Variants in MME observed in about 807,000 individuals in gnomAD.
MME encodes the protein neprilysin.
A neutral mutation model predicts 113.2 loss-of-function variants in MME; 98 were observed. That is an observed-to-expected ratio of 0.87 (90% CI 0.74 to 1.02). MME has a LOEUF of 1.02. MME is among the 50% of genes least tolerant of loss of function. The pLI is 0.00. For synonymous variants in MME, 292 were observed against 300.6 expected, an observed-to-expected ratio of 0.97 and a Z score of 0.30; for missense variants, 836 against 896.0, an observed-to-expected ratio of 0.93 and a Z score of 0.86.
In MME at chr3:155,181,112, T is replaced by C. The variant is rs1377954901; in HGVS notation, c.*653T>C. 6.6e-6 allele frequency: 1 copy of C among 152,420 alleles called. No individual in the cohort carries two copies. Among genetic ancestry groups the C allele is most frequent in the African/African-American group, 2.4e-5 (1 of 41,462 alleles). The allele number at this position is 152,420 out of a possible 1,614,324, so 9.4% of individuals were successfully genotyped here. On this transcript the variant is annotated 3_prime_UTR_variant, in exon 23 of 23. Coordinates refer to ENST00000360490, the MANE Select transcript of MME (RefSeq NM_007289.4). ...CCTGCTTTGACTGATGCTGAGATTC[T>C]TCAGGCTTCCTGCAATTTTCTAAGC...
intron 1 of MME, among the ~76,000 whole-genome samples, chr3:155,066,955 C>A (rs999454869): frequency 6.6e-6 from 1 of 152,068 alleles, no homozygotes; most frequent in Non-Finnish European, 1.5e-5. Flanking sequence ...ACTCTGTATA[C>A]CCCTACAACC....
chr3:155,138,304 C>T, intron 9 of MME, 68 bp downstream of exon 9: 1 of 1,512,002 alleles, frequency 6.6e-7, no homozygotes, highest in African/African-American at 1.4e-5. Context: ...CCCTCTCTAT[C>T]ATACTTTAAG....
rs201944754 is a variant in MME at position 155,084,269 on chromosome 3, T to C, written c.102T>C (p.Leu34=). ...CACTGGAGATCAGCCTCTCGGTCCTTGTCCTGCTCCTCACCATCATAGCTG... is the reference window on the plus strand; with the variant it reads ...CACTGGAGATCAGCCTCTCGGTCCTCGTCCTGCTCCTCACCATCATAGCTG... ...WTPLEISLSV[L]VLLLTIIAVT... is the part of the protein sequence containing the mutation. Residue 34 remains leucine, a synonymous_variant, in exon 2 of 23, where the codon CTT becomes CTC. Coordinates refer to ENST00000360490, the MANE Select transcript of MME (RefSeq NM_007289.4). 7 of 1,614,092 alleles carry C rather than the reference T, an allele frequency of 4.3e-6. No homozygotes were observed. The highest frequency in any genetic ancestry group is 5.1e-6 in the Non-Finnish European group (6 of 1,180,044).
At chr3:155,064,150 C>T (rs1293878400) in intron 1 of MME, among the ~76,000 whole-genome samples, 1 of 151,926 alleles carries the variant, frequency 6.6e-6, no homozygotes, top group Non-Finnish European at 1.5e-5. Flanking sequence ...ATTAGCCGGG[C>T]ATGGGGCAGG....
chr3:155,085,215 C>A, intron 3 of MME, 121 bp downstream of exon 3: 2 of 622,286 alleles, frequency 3.2e-6, no homozygotes, highest in South Asian at 2.3e-5. Context: ...ATTTATGTGT[C>A]TGGCTCTATA....
chr3:155,116,561 T>A lies in MME; in HGVS notation c.439+2T>A, dbSNP rs1057519024. 1.9e-6 allele frequency: 3 copies of A among 1,587,844 alleles called. No individual in the cohort carries two copies. In the East Asian group the frequency reaches 6.7e-5, roughly 36 times the overall value. ...TGTACAGGTCTTGTATAAATGAATGTAAGTGCTCTTCATTTGATTTCATTA... is the reference window on the plus strand; with the variant it reads ...TGTACAGGTCTTGTATAAATGAATGAAAGTGCTCTTCATTTGATTTCATTA... On this transcript the variant is annotated splice_donor_variant, in intron 5 of 22. Coordinates refer to ENST00000360490, the MANE Select transcript of MME (RefSeq NM_007289.4). LOFTEE classifies it high-confidence loss of function.
intron 3 of MME, among the ~76,000 whole-genome samples, chr3:155,105,174 T>C (rs956484602): frequency 2.0e-5 from 3 of 152,214 alleles, no homozygotes; most frequent in Admixed American, 6.5e-5. Flanking sequence ...AAGTTTATTA[T>C]TGTGAATCCA....
In MME at chr3:155,064,088, A is replaced by T. The variant is rs183443684; in HGVS notation, c.-10-20070A>T. On this transcript the variant is annotated intron_variant, in intron 1 of 22. Coordinates refer to the MME transcript ENST00000492661. ...AGTGGATCACCTGAGGTCAGGAGTT[A>T]GAGACCAGCCTGGCCAACATGGCAA... Among the ~76,000 whole-genome samples the T allele has an allele frequency of 1.8e-3, 280 of 152,076 alleles. 1 individual carries two copies. Among genetic ancestry groups the T allele is most frequent in the African/African-American group, 2.7e-3 (111 of 41,490 alleles).
At chr3:155,055,414 A>T (rs1018270637) in intron 1 of MME, among the ~76,000 whole-genome samples, 4 of 152,144 alleles carry the variant, frequency 2.6e-5, no homozygotes, top group African/African-American at 9.7e-5. Flanking sequence ...CCTGGTCAAC[A>T]TGGTGAAACC....
chr3:155,063,321 T>A, intron 1 of MME, among the ~76,000 whole-genome samples: 1 of 111,998 alleles, frequency 8.9e-6, no homozygotes, highest in Non-Finnish European at 1.6e-5. Context: ...ATATCATTTA[T>A]AATATATATA....
At chr3:155,112,128 T>TGTTA in intron 3 of MME, among the ~76,000 whole-genome samples, 1 of 152,184 alleles carries the variant, frequency 6.6e-6, no homozygotes, top group Non-Finnish European at 1.5e-5. Flanking sequence ...CTGAGCACAG[T>TGTTA]GTTAGGCTCT....
chr3:155,112,554 A>C (rs1718275559), intron 3 of MME: 1 of 152,208 alleles, frequency 6.6e-6, no homozygotes, highest in East Asian at 1.9e-4. Context: ...TTTGGAGTGG[A>C]AAATGACATT....
At chr3:155,125,212 T>C (rs375032742) in intron 8 of MME, among the ~76,000 whole-genome samples, 18 of 148,366 alleles carry the variant, frequency 1.2e-4, no homozygotes, top group Admixed American at 1.4e-4. Context: ...TTCTTTGACT[T>C]GGAAAGGGAA....
At chr3:155,067,220 A>G (rs1714408643) in intron 1 of MME, among the ~76,000 whole-genome samples, 2 of 143,024 alleles carry the variant, frequency 1.4e-5, no homozygotes, top group African/African-American at 5.1e-5. Context: ...AAAAAAAAAC[A>G]CCTCTCATTC....
chr3:155,132,971 G>A (rs565185530), intron 8 of MME, among the ~76,000 whole-genome samples: 24 of 146,646 alleles, frequency 1.6e-4, no homozygotes, highest in Middle Eastern at 3.6e-3. Context: ...AACCCAGGAC[G>A]CGGAGGTTGC....
chr3:155,037,830 G>T (rs188011715), intron 1 of MME, among the ~76,000 whole-genome samples: 1 of 152,308 alleles, frequency 6.6e-6, no homozygotes, highest in African/African-American at 2.4e-5. Context: ...ACCAGTTTTG[G>T]TAGAATTGTG....
intron 3 of MME, among the ~76,000 whole-genome samples, chr3:155,088,186 AC>A (rs768244635): frequency 1.7e-4 from 26 of 150,550 alleles, no homozygotes; most frequent in Non-Finnish European, 3.7e-4. Flanking sequence ...CACTCTGCAT[AC>A]TCATAAACAC....
Position 155,181,976 on chromosome 3 carries a change from G to C in MME, c.*1517G>C, listed in dbSNP as rs1713134301. 6.6e-6 allele frequency: 1 copy of C among 151,974 alleles called. No homozygotes were observed. 9.4% of individuals were successfully genotyped at this position (151,974 alleles called of 1,614,324 possible). ...TGTACATAAATTGCATAAAGCATAA[G>C]TATACAGTTCAATAAACTTAACTTT... On this transcript the variant is annotated 3_prime_UTR_variant, in exon 23 of 23. Transcript: ENST00000360490.
At chr3:155,065,620 C>CA (rs1487416369) in intron 1 of MME, among the ~76,000 whole-genome samples, 2 of 152,004 alleles carry the variant, frequency 1.3e-5, no homozygotes, top group African/African-American at 4.8e-5. Context: ...TACATAACAA[C>CA]AAAAAAAGTT....
Sources: allele counts gnomAD v4.1 joint callset (sites outside exome capture counted in the v4.1 genomes callset), GRCh38; gene constraint gnomAD v4.1.1; transcripts MANE v1.5; gene names NCBI Gene and HGNC (gene_info 2026-07-23, HGNC 2026-07-21).